The following BATF3 variants were observed in gnomAD, a reference collection of about 807,000 sequenced individuals.
The protein encoded by BATF3 is basic leucine zipper transcriptional factor ATF-like 3.
Under a neutral mutation model 16.1 loss-of-function variants are expected in BATF3, and 8 were observed. The ratio of observed to expected loss-of-function variants is 0.50; its 90% CI spans 0.29 to 0.90. BATF3 has a LOEUF of 0.90. Ranked by LOEUF, BATF3 falls within the 40% of genes least tolerant of loss-of-function variation. BATF3 has a pLI of 0.08. For synonymous variants in BATF3, 74 were observed against 72.7 expected (o/e 1.02, Z -0.09); for missense variants, 139 against 167.0 (o/e 0.83, Z 0.92).
intron 2 of BATF3, among the ~76,000 whole-genome samples, chr1:212,693,416 A>T (rs1029339637): frequency 2.6e-5 from 4 of 152,156 alleles, no homozygotes; most frequent in African/African-American, 9.7e-5. Flanking sequence ...ATACAGGTGG[A>T]GCCGCTGTCC....
chr1:212,695,903 G>C (rs578072899), intron 2 of BATF3, among the ~76,000 whole-genome samples: 1 of 152,170 alleles, frequency 6.6e-6, no homozygotes, highest in Admixed American at 6.5e-5. Context: ...AAGATGGTTC[G>C]CTCCATTAAC....
At chr1:212,687,336 G>A (rs1172453045) in intron 2 of BATF3, 4 of 254,798 alleles carry the variant, frequency 1.6e-5, no homozygotes, top group Admixed American at 1.4e-4. Context: ...TGTGCTTTCC[G>A]AAGATCTCTA....
chr1:212,692,111 C>G (rs1006247625), intron 2 of BATF3, among the ~76,000 whole-genome samples: 1 of 152,168 alleles, frequency 6.6e-6, no homozygotes, highest in Non-Finnish European at 1.5e-5. Flanking sequence ...GCAGCCTCTT[C>G]CCCCATTCTC....
chr1:212,699,667 C>A lies in BATF3; in HGVS notation c.90+6G>T. 7.5e-7 allele frequency: 1 copy of A among 1,334,454 alleles called. No individual in the cohort carries two copies. Among genetic ancestry groups the A allele is most frequent in the Non-Finnish European group, 9.6e-7 (1 of 1,038,750 alleles). 82.7% of individuals were successfully genotyped at this position (1,334,454 alleles called of 1,614,324 possible). On this transcript the variant is annotated splice_donor_region_variant and intron_variant, in intron 1 of 2. Transcript: ENST00000243440. This position sits in a 1 kb window ranked among gnomAD's most constrained non-coding sequence, Gnocchi z 4.4. ...CACGGCCCTCCCTGAGCCTCTCGCC[C>A]TCTACCTGCTGCTGCGGCTGCGGCT...
intron 2 of BATF3, among the ~76,000 whole-genome samples, chr1:212,693,887 A>G (rs1657063779): frequency 6.6e-6 from 1 of 152,218 alleles, no homozygotes; most frequent in Non-Finnish European, 1.5e-5. Flanking sequence ...TCCTCACAGA[A>G]GTTTACATTC....
At chr1:212,698,615 G>A (rs1270480618) in intron 1 of BATF3, 1 of 152,136 alleles carries the variant, frequency 6.6e-6, no homozygotes, top group East Asian at 1.9e-4. Context: ...ATTCTGCATA[G>A]TGCTTCTCAT....
At position 212,689,710 on chromosome 1, in the gene BATF3, C is replaced by T. The variant is rs2246053; in HGVS notation, c.196-2731G>A. 0.26 allele frequency among the ~76,000 whole-genome samples: 39,054 copies of T among 151,874 alleles called. 5,814 individuals are homozygous for T. Among genetic ancestry groups the T allele is most frequent in the Admixed American group, 0.45 (6,820 of 15,250 alleles). On this transcript the variant is annotated intron_variant, in intron 2 of 2. Transcript: ENST00000243440. This position sits in a 1 kb window ranked among gnomAD's most constrained non-coding sequence, Gnocchi z 4.6. ...ACACACACGTCTGCAAACACACACT[C>T]ACACACTCTCATACACATTCACACA...
rs1229998013 is a variant in BATF3, at chr1:212,696,451, C to CGTGT, written c.195+509_195+510insACAC. Among the ~76,000 whole-genome samples the CGTGT allele has an allele frequency of 5.3e-5, 7 of 132,912 alleles. No individual in the cohort carries two copies. The East Asian group carries it at 1.6e-3, about 30-fold the overall frequency. The allele number at this position is 132,912 out of a possible 152,430, so 87.2% of individuals were successfully genotyped here. A position where few individuals can be genotyped will look rare whatever the true frequency, so the allele number is the denominator to read the frequency against. On this transcript the variant is annotated intron_variant, in intron 2 of 2. Transcript: ENST00000243440. The stretch of plus-strand genomic sequence containing the variant: ...GTGTGTGTGTGTGTGTGTGTGTGTA[C>CGTGT]ACACACACATTGGGTACATGTGTGA...
intron 2 of BATF3, among the ~76,000 whole-genome samples, chr1:212,687,697 G>GGGA (rs1434008091): frequency 6.6e-6 from 1 of 152,062 alleles, no homozygotes; most frequent in Non-Finnish European, 1.5e-5. Context: ...AGGTCAAGGT[G>GGGA]GGAGGATCAC....
chr1:212,698,136 TA>T (rs1416038661), intron 1 of BATF3: 11 of 152,168 alleles, frequency 7.2e-5, no homozygotes, highest in African/African-American at 2.7e-4. Flanking sequence ...ATAACATACA[TA>T]GCAAATAGAA....
At chr1:212,687,255 A>G (rs1656871966) in intron 2 of BATF3, among the ~76,000 whole-genome samples, 1 of 152,208 alleles carries the variant, frequency 6.6e-6, no homozygotes, top group Admixed American at 6.5e-5. Flanking sequence ...GTGTTGATCA[A>G]TACACGGAAC....
At chr1:212,696,760 A>G (rs1345700621) in intron 2 of BATF3, among the ~76,000 whole-genome samples, 1 of 152,180 alleles carries the variant, frequency 6.6e-6, no homozygotes, top group Non-Finnish European at 1.5e-5. Flanking sequence ...AATAAACTTG[A>G]CCATGAGAAG....
intron 2 of BATF3, among the ~76,000 whole-genome samples, chr1:212,695,291 G>A (rs890078416): frequency 4.6e-5 from 7 of 151,954 alleles, no homozygotes; most frequent in Non-Finnish European, 7.4e-5. Context: ...TGAGGAGTTC[G>A]AGACCAGCCT....
chr1:212,693,578 C>T (rs927986143), intron 2 of BATF3, among the ~76,000 whole-genome samples: 1 of 152,070 alleles, frequency 6.6e-6, no homozygotes, highest in Non-Finnish European at 1.5e-5. Flanking sequence ...GATCAACCCA[C>T]CCCATTTCTG....
chr1:212,692,237 A>G (rs1170195327), intron 2 of BATF3, among the ~76,000 whole-genome samples: 1 of 152,202 alleles, frequency 6.6e-6, no homozygotes, highest in Non-Finnish European at 1.5e-5. Flanking sequence ...CAAGTTTCTC[A>G]GGGTGTTGGA....
At position 212,697,059 on chromosome 1, in the gene BATF3, C is replaced by G; in HGVS notation, c.97G>C (p.Glu33Gln). The G allele has an allele frequency of 6.2e-7, 1 of 1,614,030 alleles. No individual in the cohort carries two copies. ...PQPQPQQQSP[E>Q]DDDRKVRRRE... ...CTTCGGACCTTCCTGTCATCATCCT[C>G]AGGGCTCTGGGGAAAAACACTGGGT... The change falls in exon 2 of 3, where the codon GAG becomes CAG. Residue 33 changes from glutamate to glutamine, a missense_variant. Physicochemically the swap from Glu to Gln is conservative, Grantham distance 29 (BLOSUM62 2). Coordinates refer to ENST00000243440, the MANE Select transcript of BATF3 (RefSeq NM_018664.3).
At chr1:212,697,754 C>G (rs964835316) in intron 1 of BATF3, 3 of 152,172 alleles carry the variant, frequency 2.0e-5, no homozygotes, top group African/African-American at 7.2e-5. Context: ...CAAATTCAGT[C>G]AAATCCCTCA....
chr1:212,692,349 TAA>T (rs750886731), intron 2 of BATF3, among the ~76,000 whole-genome samples: 5 of 151,048 alleles, frequency 3.3e-5, no homozygotes, highest in Non-Finnish European at 7.4e-5. Flanking sequence ...TGCAAATTCA[TAA>T]AGTGTTCCAT....
rs966677432 is a variant in BATF3 at position 212,690,054 on chromosome 1, CCACATT to C, written c.196-3081_196-3076del. 4.0e-5 allele frequency among the ~76,000 whole-genome samples: 6 copies of C among 151,712 alleles called. No individual in the cohort carries two copies. The South Asian group carries it at 1.0e-3, about 26-fold the overall frequency. On this transcript the variant is annotated intron_variant, in intron 2 of 2. Transcript: ENST00000243440. ...AAACTCAGACTCACATGCAGACTCC[CCACATT>C]CACATTCACATACACACTCACACAC...
Sources: gnomAD v4.1 joint callset for allele counts (sites outside exome capture counted in the v4.1 genomes callset) on GRCh38, gnomAD v4.1.1 for gene constraint, Gnocchi (gnomAD v3.1) non-coding constraint, MANE v1.5 for transcripts, NCBI Gene and HGNC (gene_info 2026-07-23, HGNC 2026-07-21) for gene names.